PRKCH: variants seen among roughly 807,000 people sequenced by gnomAD.
PRKCH encodes protein kinase C eta type.
In PRKCH, 28 loss-of-function variants were observed where a neutral mutation model predicts 82.5. The ratio of observed to expected loss-of-function variants is 0.34; its 90% CI spans 0.25 to 0.47. The LOEUF (loss-of-function observed/expected upper bound fraction) is 0.47, where lower values mean the gene tolerates loss of function less well. Among genes scored for constraint, PRKCH ranks in the 20% least tolerant of loss-of-function variants. The pLI, the probability that PRKCH is intolerant of heterozygous loss-of-function variation, is 1.00. For synonymous variants in PRKCH, 322 were observed against 327.4 expected (o/e 0.98, Z 0.18); for missense variants, 705 against 881.8 (o/e 0.80, Z 2.54).
chr14:61,193,260 G>T (rs1487243488), intron 1 of PRKCH, among the ~76,000 whole-genome samples: 1 of 152,134 alleles, frequency 6.6e-6, no homozygotes, highest in African/African-American at 2.4e-5. Context: ...CTGACTCATG[G>T]TACAAAGTTT....
Position 61,292,380 on chromosome 14 carries a change from G to A in PRKCH, c.-19+104712G>A, listed in dbSNP as rs778395612. Among the ~76,000 whole-genome samples the A allele has an allele frequency of 1.3e-3, 199 of 152,086 alleles. 6 individuals carry two copies. The highest frequency in any genetic ancestry group is 3.4e-4 in the Non-Finnish European group (23 of 68,020). On this transcript the variant is annotated intron_variant, in intron 1 of 3. Coordinates refer to the PRKCH transcript ENST00000555185. The stretch of plus-strand genomic sequence containing the variant: ...ATATGTGGTCCTAGCTACTAGGAAG[G>A]CTGAGATGGGAGGATTGCTTGAGCC...
chr14:61,270,790 T>A (rs2045144799), intron 1 of PRKCH, among the ~76,000 whole-genome samples: 2 of 152,086 alleles, frequency 1.3e-5, no homozygotes, highest in South Asian at 4.1e-4. Flanking sequence ...GAGGCCCACA[T>A]AGCAAGACCC....
chr14:61,337,574 C>T (rs2045876153), intron 1 of PRKCH, among the ~76,000 whole-genome samples: 1 of 152,120 alleles, frequency 6.6e-6, no homozygotes, highest in Non-Finnish European at 1.5e-5. Context: ...TCGTGCACCA[C>T]CGTGGTTGGC....
At chr14:61,512,125 T>C (rs1319849141) in intron 10 of PRKCH, among the ~76,000 whole-genome samples, 1 of 152,172 alleles carries the variant, frequency 6.6e-6, no homozygotes, top group South Asian at 2.1e-4. Flanking sequence ...TGGTGCTTTC[T>C]TGTGTTCTAC....
intron 1 of PRKCH, chr14:61,303,609 A>T (rs1315706454): frequency 6.6e-6 from 1 of 151,994 alleles, no homozygotes; most frequent in African/African-American, 2.4e-5. Context: ...CTCTTACTTG[A>T]ATCTTGCTTT....
intron 1 of PRKCH, among the ~76,000 whole-genome samples, chr14:61,198,651 T>A (rs1387285533): frequency 6.6e-6 from 1 of 152,224 alleles, no homozygotes; most frequent in African/African-American, 2.4e-5. Context: ...TCAACAAACC[T>A]TTTTCTTTGA....
At chr14:61,473,522 C>A (rs1885596393) in intron 9 of PRKCH, among the ~76,000 whole-genome samples, 1 of 152,100 alleles carries the variant, frequency 6.6e-6, no homozygotes, top group African/African-American at 2.4e-5. Flanking sequence ...CATGATAGGA[C>A]TTTTTAAGTG....
chr14:61,307,855 G>A (rs2045494514), intron 1 of PRKCH, among the ~76,000 whole-genome samples: 1 of 152,180 alleles, frequency 6.6e-6, no homozygotes, highest in South Asian at 2.1e-4. Context: ...ATTTTTGAGT[G>A]AGACAGGGTC....
chr14:61,456,716 A>G (rs1384677727), intron 7 of PRKCH: 1 of 154,132 alleles, frequency 6.5e-6, no homozygotes, highest in Non-Finnish European at 1.4e-5. Context: ...TTTCTCCTAT[A>G]TAATTTAAAA....
At chr14:61,298,480 G>C (rs576758070) in intron 1 of PRKCH, 1 of 152,126 alleles carries the variant, frequency 6.6e-6, no homozygotes, top group Non-Finnish European at 1.5e-5. Flanking sequence ...CCAGGATTTG[G>C]AACCAGGAAG....
intron 1 of PRKCH, among the ~76,000 whole-genome samples, chr14:61,275,966 G>A (rs1279127472): frequency 1.3e-5 from 2 of 152,146 alleles, no homozygotes; most frequent in Non-Finnish European, 2.9e-5. Flanking sequence ...CAGTGGGGAC[G>A]CATTTTTTCC....
intron 1 of PRKCH, among the ~76,000 whole-genome samples, chr14:61,357,696 C>A (rs531975752): frequency 6.6e-6 from 1 of 152,332 alleles, no homozygotes; most frequent in African/African-American, 2.4e-5. Flanking sequence ...CCCAACACAT[C>A]CACTCTCTTC....
At chr14:61,462,760 G>A (rs1037767855) in intron 9 of PRKCH, among the ~76,000 whole-genome samples, 2 of 152,052 alleles carry the variant, frequency 1.3e-5, no homozygotes, top group African/African-American at 4.8e-5. Flanking sequence ...TTAGGAGTGA[G>A]AGGGGGTGTT....
At chr14:61,466,844 T>A (rs772671142) in intron 9 of PRKCH, among the ~76,000 whole-genome samples, 1 of 152,170 alleles carries the variant, frequency 6.6e-6, no homozygotes, top group African/African-American at 2.4e-5. Context: ...CCTGCAAGGA[T>A]GGAGTTCCTG....
chr14:61,491,224 T>C (rs757025035), intron 10 of PRKCH, among the ~76,000 whole-genome samples: 2 of 152,214 alleles, frequency 1.3e-5, no homozygotes, highest in East Asian at 1.9e-4. Flanking sequence ...GGAAAATCTT[T>C]TTAGATAAAG....
intron 1 of PRKCH, among the ~76,000 whole-genome samples, chr14:61,210,786 CTCTCTG>C (rs1182925022): frequency 8.6e-4 from 89 of 104,060 alleles, no homozygotes; most frequent in African/African-American, 2.7e-3. Context: ...CTCTCTCTCT[CTCTCTG>C]TGTGTGTGTG....
intron 2 of PRKCH, among the ~76,000 whole-genome samples, chr14:61,430,347 A>G (rs1043346183): frequency 6.6e-6 from 1 of 152,208 alleles, no homozygotes; most frequent in Non-Finnish European, 1.5e-5. Context: ...AACTTTTCAT[A>G]TTTTTAGTGG....
chr14:61,447,813 A>G (rs1174300421), intron 4 of PRKCH, among the ~76,000 whole-genome samples: 1 of 152,368 alleles, frequency 6.6e-6, no homozygotes, highest in Non-Finnish European at 1.5e-5. Flanking sequence ...GGGAATGTAT[A>G]TATCATTAAA....
intron 10 of PRKCH, among the ~76,000 whole-genome samples, chr14:61,488,583 G>A (rs948681242): frequency 2.0e-5 from 3 of 152,178 alleles, no homozygotes; most frequent in Admixed American, 2.0e-4. Flanking sequence ...CCATTACAGT[G>A]TCAGCTTCTT....
Sources: allele counts gnomAD v4.1 joint callset (sites outside exome capture counted in the v4.1 genomes callset), GRCh38; gene constraint gnomAD v4.1.1; transcripts MANE v1.5; gene names NCBI Gene and HGNC (gene_info 2026-07-23, HGNC 2026-07-21).